Variants in COL11A1 observed in about 807,000 individuals in gnomAD.
COL11A1 encodes collagen type XI alpha 1 chain, also known as collagen alpha-1(XI) chain.
Under a neutral mutation model 265.2 loss-of-function variants are expected in COL11A1, and 74 were observed. The ratio of observed to expected loss-of-function variants is 0.28; its 90% CI spans 0.23 to 0.34. The LOEUF is 0.34. COL11A1 is among the 10% of genes least tolerant of loss of function. The probability of loss-of-function intolerance (pLI) is 1.00; values close to 1 mark genes in which losing one functional copy is unlikely to be tolerated. For missense variants in COL11A1, 2,165 were observed against 2,263.6 expected (o/e 0.96, Z 0.88); for synonymous variants, 816 against 727.6 (o/e 1.12, Z -1.96).
intron 54 of COL11A1, among the ~76,000 whole-genome samples, chr1:102,901,267 C>A (rs997544514): frequency 9.3e-5 from 14 of 151,258 alleles, no homozygotes; most frequent in Non-Finnish European, 1.6e-4. Context: ...TTGCAGTGAG[C>A]CGAGATTGCA....
chr1:102,883,349 T>C lies in COL11A1; in HGVS notation c.4859-38A>G, dbSNP rs369838465. ...AAAAAATATGTCATATAAAAATTCA[T>C]TGACATCATTGTTGAATGCATTAGA... On this transcript the variant is annotated intron_variant, in intron 63 of 66. Transcript: ENST00000370096. The C allele has an allele frequency of 2.1e-4, 272 of 1,289,296 alleles. 1 individual carries two copies. Among genetic ancestry groups the C allele is most frequent in the Admixed American group, 5.0e-4 (30 of 59,490 alleles). The allele number at this position is 1,289,296 out of a possible 1,614,324, so 79.9% of individuals were successfully genotyped here. A position where few individuals can be genotyped will look rare whatever the true frequency, so the allele number is the denominator to read the frequency against.
At chr1:103,001,469 C>A in intron 24 of COL11A1, 1 of 415,346 alleles carries the variant, frequency 2.4e-6, no homozygotes, top group South Asian at 9.9e-5. Flanking sequence ...TTGTTTTGAT[C>A]CAGACATTGA....
intron 4 of COL11A1, among the ~76,000 whole-genome samples, chr1:103,046,220 T>C (rs936395812): frequency 6.4e-5 from 9 of 140,402 alleles, no homozygotes; most frequent in Admixed American, 2.2e-4. Flanking sequence ...GTTGAACTAG[T>C]TTACAGTCCC....
intron 63 of COL11A1, among the ~76,000 whole-genome samples, chr1:102,885,517 G>T (rs1650854817): frequency 6.6e-6 from 1 of 151,892 alleles, no homozygotes; most frequent in African/African-American, 2.4e-5. Flanking sequence ...AACAGGAAAA[G>T]TATTCTAATA....
intron 46 of COL11A1, among the ~76,000 whole-genome samples, chr1:102,929,364 T>C (rs1247247710): frequency 2.0e-5 from 3 of 152,090 alleles, no homozygotes; most frequent in Non-Finnish European, 2.9e-5. Context: ...TTCCCCATTG[T>C]TTGTTTTTCT....
chr1:102,943,189 G>T (rs549772658), intron 42 of COL11A1, among the ~76,000 whole-genome samples: 1 of 151,762 alleles, frequency 6.6e-6, no homozygotes, highest in South Asian at 2.1e-4. Flanking sequence ...TCCACCTATG[G>T]CTCATTTTTC....
At chr1:102,884,939 T>C (rs1650775089) in intron 63 of COL11A1, among the ~76,000 whole-genome samples, 1 of 152,188 alleles carries the variant, frequency 6.6e-6, no homozygotes, top group Non-Finnish European at 1.5e-5. Flanking sequence ...CCCACCTTTC[T>C]GTGTAACAGC....
rs1649683435 is a variant in COL11A1, at chr1:102,877,872, C to A, written c.*147G>T. ...CTTTTGCCATGTGATTCTGCCCCCACAAAGGCATCGGTATTTCCTAAATGG... is the reference window on the plus strand; with the variant it reads ...CTTTTGCCATGTGATTCTGCCCCCAAAAAGGCATCGGTATTTCCTAAATGG... On this transcript the variant is annotated 3_prime_UTR_variant, in exon 67 of 67. Transcript: ENST00000370096. The A allele has an allele frequency of 1.3e-6, 1 of 749,182 alleles. No homozygotes were observed. Among genetic ancestry groups the A allele is most frequent in the East Asian group, 2.7e-5 (1 of 37,260 alleles). The allele number at this position is 749,182 out of a possible 1,614,324, so 46.4% of individuals were successfully genotyped here. A position where few individuals can be genotyped will look rare whatever the true frequency, so the allele number is the denominator to read the frequency against.
chr1:102,906,678 G>T (rs1041332034), intron 54 of COL11A1, among the ~76,000 whole-genome samples: 18 of 152,058 alleles, frequency 1.2e-4, no homozygotes, highest in Admixed American at 1.1e-3. Context: ...GGGATTACAG[G>T]TGTCAGCCAC....
At chr1:102,941,867 A>G (rs1223312672) in intron 42 of COL11A1, among the ~76,000 whole-genome samples, 1 of 152,138 alleles carries the variant, frequency 6.6e-6, no homozygotes, top group African/African-American at 2.4e-5. Flanking sequence ...GAGGGTAGGA[A>G]TTGTGTCTGA....
chr1:102,991,025 T>G (rs1199240891), intron 28 of COL11A1, among the ~76,000 whole-genome samples: 1 of 151,934 alleles, frequency 6.6e-6, no homozygotes, highest in Non-Finnish European at 1.5e-5. Context: ...AGAGGGAGAC[T>G]CCATCTCAAA....
At chr1:102,983,168 G>A (rs1570939988) in intron 31 of COL11A1, among the ~76,000 whole-genome samples, 1 of 152,004 alleles carries the variant, frequency 6.6e-6, no homozygotes, top group Admixed American at 6.6e-5. Flanking sequence ...AAAGTTTTAT[G>A]ATAGGTTTGA....
chr1:103,048,607 G>T (rs563800861), intron 4 of COL11A1, among the ~76,000 whole-genome samples: 1 of 152,128 alleles, frequency 6.6e-6, no homozygotes, highest in African/African-American at 2.4e-5. Context: ...CTTCAGTTCT[G>T]CTCTAATCTT....
chr1:102,995,071 G>A lies in COL11A1; in HGVS notation c.2340+793C>T, dbSNP rs544674362. 5.3e-5 allele frequency among the ~76,000 whole-genome samples: 8 copies of A among 152,180 alleles called. No individual in the cohort carries two copies. In the South Asian group the frequency reaches 1.7e-3, roughly 32 times the overall value. On this transcript the variant is annotated intron_variant, in intron 28 of 66. Coordinates refer to ENST00000370096, the MANE Select transcript of COL11A1 (RefSeq NM_001854.4). ...ATGATCTCATCACCTCCCACCATGT[G>A]CCTCCCTGGACAGGTGGGAATTACA...
chr1:103,012,886 A>G (rs1446995807), intron 13 of COL11A1, among the ~76,000 whole-genome samples: 1 of 152,178 alleles, frequency 6.6e-6, no homozygotes, highest in Non-Finnish European at 1.5e-5. Flanking sequence ...TATGATAACC[A>G]AAGCCAGACA....
At chr1:102,878,786 G>T (rs1649866194) in intron 66 of COL11A1, among the ~76,000 whole-genome samples, 1 of 151,704 alleles carries the variant, frequency 6.6e-6, no homozygotes, top group Non-Finnish European at 1.5e-5. Flanking sequence ...TGGGATTACA[G>T]GGGTAAGACA....
chr1:103,026,100 T>C, intron 6 of COL11A1, 116 bp downstream of exon 6: 3 of 1,192,152 alleles, frequency 2.5e-6, no homozygotes, highest in Non-Finnish European at 2.5e-6. Flanking sequence ...AGTTATTGGT[T>C]CAGAGAAATA....
At chr1:102,887,830 A>G (rs1008434277) in intron 62 of COL11A1, among the ~76,000 whole-genome samples, 1 of 152,170 alleles carries the variant, frequency 6.6e-6, no homozygotes, top group Non-Finnish European at 1.5e-5. Context: ...ACACCCAAAG[A>G]GGGAAGATAA....
At chr1:103,090,093 C>T (rs548031096) in intron 1 of COL11A1, among the ~76,000 whole-genome samples, 72 of 152,158 alleles carry the variant, frequency 4.7e-4, no homozygotes, top group South Asian at 4.4e-3. Context: ...CACTGCACTC[C>T]AGCCTGGGAC....
Sources: allele counts gnomAD v4.1 joint callset (sites outside exome capture counted in the v4.1 genomes callset), GRCh38; gene constraint gnomAD v4.1.1; transcripts MANE v1.5; gene names NCBI Gene and HGNC (gene_info 2026-07-23, HGNC 2026-07-21).